Variants in PDPR observed in about 807,000 individuals in gnomAD.
The protein encoded by PDPR is pyruvate dehydrogenase phosphatase regulatory subunit.
PDPR carries 50 observed loss-of-function variants against 102.2 expected under a neutral mutation model. That is an observed-to-expected ratio of 0.49 (90% CI 0.39 to 0.62). The LOEUF is 0.62. Among genes scored for constraint, PDPR ranks in the 20% least tolerant of loss-of-function variants. The pLI, the probability that PDPR is intolerant of heterozygous loss-of-function variation, is 0.00. For synonymous variants in PDPR, 259 were observed against 406.0 expected, an observed-to-expected ratio of 0.64 and a Z score of 4.35; for missense variants, 625 against 1,098.2, an observed-to-expected ratio of 0.57 and a Z score of 6.09.
chr16:70,127,511 C>T (rs112103716), intron 4 of PDPR, 118 bp downstream of exon 4: 12 of 1,505,076 alleles, frequency 8.0e-6, no homozygotes, highest in South Asian at 2.6e-5. Flanking sequence ...TTGGGTTGGC[C>T]GGGCATGGTG....
chr16:70,139,492 T>C (rs1965497832), intron 11 of PDPR, among the ~76,000 whole-genome samples: 1 of 152,262 alleles, frequency 6.6e-6, no homozygotes, highest in Non-Finnish European at 1.5e-5. Context: ...TTCTCAGAGC[T>C]TCAGGCTTCC....
At chr16:70,154,188 C>T (rs1197974356) in intron 18 of PDPR, among the ~76,000 whole-genome samples, 1 of 152,058 alleles carries the variant, frequency 6.6e-6, no homozygotes, top group African/African-American at 2.4e-5. Context: ...AGTAGCTGGG[C>T]GTGGTGGCCA....
intron 11 of PDPR, among the ~76,000 whole-genome samples, chr16:70,141,410 A>G (rs62050972): frequency 0.23 from 33,023 of 144,044 alleles, 1,091 homozygotes; most frequent in Non-Finnish European, 0.3. Context: ...GTACAATACA[A>G]TATAACTTCT....
chr16:70,150,958 G>A (rs986090704), intron 17 of PDPR, among the ~76,000 whole-genome samples: 8 of 152,146 alleles, frequency 5.3e-5, no homozygotes, highest in Non-Finnish European at 1.0e-4. Context: ...GTTTTTAGAC[G>A]GAGCCTCCCA....
chr16:70,154,775 G>A (rs1001755719), intron 18 of PDPR, among the ~76,000 whole-genome samples: 1 of 152,240 alleles, frequency 6.6e-6, no homozygotes, highest in African/African-American at 2.4e-5. Flanking sequence ...AAGTGGCTGG[G>A]ACCACAGATG....
intron 11 of PDPR, among the ~76,000 whole-genome samples, chr16:70,139,944 T>C (rs1468386511): frequency 1.3e-5 from 2 of 152,276 alleles, no homozygotes; most frequent in African/African-American, 2.4e-5. Flanking sequence ...TGCTCACTTT[T>C]GGCCTGGGAA....
chr16:70,138,207 A>ATTTTTTTTTTTTTTTTTTT (rs1201065640), intron 10 of PDPR, among the ~76,000 whole-genome samples: 20 of 94,040 alleles, frequency 2.1e-4, no homozygotes, highest in Non-Finnish European at 3.1e-4. Context: ...ACGCCGGCTA[A>ATTTTTTTTTTTTTTTTTTT]TTTTTTTTTT....
intron 9 of PDPR, among the ~76,000 whole-genome samples, chr16:70,134,488 G>A (rs1349159925): frequency 1.3e-5 from 2 of 148,430 alleles, no homozygotes; most frequent in Non-Finnish European, 3.0e-5. Flanking sequence ...GCCTCCCAAA[G>A]TGCTGGGATT....
chr16:70,116,775 C>T (rs1190013719), intron 2 of PDPR, among the ~76,000 whole-genome samples: 1 of 152,138 alleles, frequency 6.6e-6, no homozygotes, highest in Non-Finnish European at 1.5e-5. Flanking sequence ...CTTCCGACCT[C>T]AAATGATCTA....
intron 16 of PDPR, 94 bp downstream of exon 16, chr16:70,146,322 C>T (rs1196163078): frequency 6.3e-7 from 1 of 1,589,548 alleles, no homozygotes; most frequent in Non-Finnish European, 8.6e-7. Context: ...TGTTAGCACC[C>T]ACAAAGAGTG....
intron 6 of PDPR, among the ~76,000 whole-genome samples, chr16:70,129,591 C>A (rs1964332500): frequency 6.6e-6 from 1 of 152,390 alleles, no homozygotes; most frequent in African/African-American, 2.4e-5. Context: ...TCAGATGATC[C>A]ACCTGCCTCG....
chr16:70,153,550 G>C lies in PDPR; in HGVS notation c.2212G>C (p.Glu738Gln), dbSNP rs753636510. The change falls in exon 18 of 19, where the codon GAG becomes CAG. Residue 738 changes from glutamate to glutamine, a missense_variant. Glu to Gln is a conservative substitution (Grantham distance 29). This residue lies in a region of PDPR where 303 missense variants were observed against 258.9 expected (regional missense o/e 1.17). Coordinates refer to ENST00000288050, the MANE Select transcript of PDPR (RefSeq NM_017990.5). ...CACCACGCCCCTGGAATGTGGACGA[G>C]AGTCTCGGGTGAAATTAGAGAAGGT... is the stretch of plus-strand genomic sequence containing the variant. ...NLTTPLECGR[E>Q]SRVKLEKGMD... is the part of the protein sequence containing the mutation. 6.2e-7 allele frequency: 1 copy of C among 1,608,064 alleles called. No individual in the cohort carries two copies. The highest frequency in any genetic ancestry group is 8.5e-7 in the Non-Finnish European group (1 of 1,177,740).
rs1365881273 is a variant in PDPR at position 70,136,345 on chromosome 16, A to G, written c.1149A>G (p.Gly383=). The G allele has an allele frequency of 6.2e-7, 1 of 1,613,132 alleles. No homozygotes were observed. Among genetic ancestry groups the G allele is most frequent in the East Asian group, 2.2e-5 (1 of 44,876 alleles). The change falls in exon 10 of 19, where the codon GGA becomes GGG. Residue 383 remains glycine (G), a synonymous_variant. Coordinates refer to ENST00000288050, the MANE Select transcript of PDPR (RefSeq NM_017990.5). The stretch of plus-strand genomic sequence containing the variant: ...TGCAGGGCTACTTTGTCCTGGCAGG[A>G]ATGAACTCTGCTGGCCTTTCATTTG... ...PAVQGYFVLA[G]MNSAGLSFGG...
chr16:70,160,080 C>G lies in PDPR; in HGVS notation c.*3201C>G, dbSNP rs1265340819. On this transcript the variant is annotated 3_prime_UTR_variant, in exon 19 of 19. Transcript: ENST00000288050. The stretch of plus-strand genomic sequence containing the variant: ...CTCTTGTCGGTGTATGCCATCTGAA[C>G]CTAGGAACACAAAGTATATTGGCCT... The G allele has an allele frequency of 6.5e-6, 1 of 152,736 alleles. No homozygotes were observed. The highest frequency in any genetic ancestry group is 1.9e-4 in the East Asian group (1 of 5,200). The allele number at this position is 152,736 out of a possible 1,614,324, so 9.5% of individuals were successfully genotyped here. A position where few individuals can be genotyped will look rare whatever the true frequency, so the allele number is the denominator to read the frequency against.
At chr16:70,148,604 TCCC>T in intron 17 of PDPR, 51 bp downstream of exon 17, 3 of 1,483,288 alleles carry the variant, frequency 2.0e-6, no homozygotes, top group Non-Finnish European at 9.3e-7. Flanking sequence ...TCCCTTCCCT[TCCC>T]TTCCCTTCCC....
rs397723795 is a variant in PDPR, at chr16:70,120,667, T to C, written c.175T>C (p.Tyr59His). 4 of 1,613,580 alleles carry C rather than the reference T, an allele frequency of 2.5e-6. No individual in the cohort carries two copies. The highest frequency in any genetic ancestry group is 3.4e-6 in the Non-Finnish European group (4 of 1,179,728). The change falls in exon 3 of 19, where the codon TAT becomes CAT. Residue 59 changes from tyrosine (Y) to histidine (H), a missense_variant. Tyr to His is a moderately conservative substitution (Grantham distance 83). Around this residue, in one of 11 missense-constraint regions of PDPR, gnomAD observed 84 missense variants for 87.7 expected, o/e 0.96. Transcript: ENST00000288050. ...GGGITGTSVA[Y>H]HLSKMGWKDI... ...TGGAATCACGGGCACTTCTGTGGCC[T>C]ATCACCTCTCCAAAATGGGGTGGAA...
In PDPR at chr16:70,131,687, T is replaced by C. The variant is rs1374418672; in HGVS notation, c.847+268T>C. On this transcript the variant is annotated intron_variant, in intron 8 of 18. Coordinates refer to ENST00000288050, the MANE Select transcript of PDPR (RefSeq NM_017990.5). ...CAGAGGTCATTGAGAATATTTGGAC[T>C]GTCTTGTTGACTTTTTAACTTGAAT... The C allele has an allele frequency of 5.1e-6, 5 of 985,072 alleles. No homozygotes were observed. In the African/African-American group the frequency reaches 7.0e-5, roughly 14 times the overall value. 61.0% of individuals were successfully genotyped at this position (985,072 alleles called of 1,614,324 possible). A position where few individuals can be genotyped will look rare whatever the true frequency, so the allele number is the denominator to read the frequency against.
At position 70,120,693 on chromosome 16, in the gene PDPR, G is replaced by T; in HGVS notation, c.201G>T (p.Lys67Asn). ...ATCACCTCTCCAAAATGGGGTGGAA[G>T]GATATTGTCCTTTTGGAGCAGGGCA... The part of the protein sequence containing the change: ...VAYHLSKMGW[K>N]DIVLLEQGRL... Residue 67 changes from lysine to asparagine, a missense_variant, in exon 3 of 19, where the codon AAG becomes AAT. By Grantham distance (94) the Lys-to-Asn change is moderately conservative. This residue lies in a region of PDPR where 84 missense variants were observed against 87.7 expected (regional missense o/e 0.96). Transcript: ENST00000288050. 6.2e-7 allele frequency: 1 copy of T among 1,613,110 alleles called. No individual in the cohort carries two copies. Among genetic ancestry groups the T allele is most frequent in the Non-Finnish European group, 8.5e-7 (1 of 1,179,104 alleles).
At position 70,161,447 on chromosome 16, in the gene PDPR, G is replaced by C. The variant is rs1967783660; in HGVS notation, c.*4568G>C. The C allele has an allele frequency of 6.5e-6, 1 of 152,774 alleles. No individual in the cohort carries two copies. Among genetic ancestry groups the C allele is most frequent in the Non-Finnish European group, 1.5e-5 (1 of 68,428 alleles). The allele number at this position is 152,774 out of a possible 1,614,324, so 9.5% of individuals were successfully genotyped here. A position where few individuals can be genotyped will look rare whatever the true frequency, so the allele number is the denominator to read the frequency against. On this transcript the variant is annotated 3_prime_UTR_variant, in exon 19 of 19. Transcript: ENST00000288050. ...ACACAGTATAAAGAATGTTCACCTT[G>C]CATATGTCATTTCAGGCACATGGAT...
Sources: gnomAD v4.1 joint callset for allele counts (sites outside exome capture counted in the v4.1 genomes callset) on GRCh38, gnomAD v4.1.1 for gene constraint, gnomAD v4.1.1 regional missense constraint, MANE v1.5 for transcripts, NCBI Gene and HGNC (gene_info 2026-07-23, HGNC 2026-07-21) for gene names.